LRP1B: variants seen among roughly 807,000 people sequenced by gnomAD.
LRP1B encodes LDL receptor related protein 1B.
A neutral mutation model predicts 556.6 loss-of-function variants in LRP1B; 217 were observed. That is an observed-to-expected ratio of 0.39 (90% CI 0.35 to 0.44). The LOEUF is 0.44. Ranked by LOEUF, LRP1B falls within the 20% of genes least tolerant of loss-of-function variation. The pLI is 1.00. For synonymous variants in LRP1B, 2,047 were observed against 1,865.8 expected (o/e 1.10, Z -2.50); for missense variants, 5,053 against 5,620.8 (o/e 0.90, Z 3.23).
At chr2:140,661,775 G>T (rs1685102881) in intron 41 of LRP1B, among the ~76,000 whole-genome samples, 1 of 152,132 alleles carries the variant, frequency 6.6e-6, no homozygotes, top group Admixed American at 6.5e-5. Context: ...AAAGTTTTAG[G>T]TTTGAAATCA....
At chr2:141,467,420 C>A (rs2105060070) in intron 3 of LRP1B, among the ~76,000 whole-genome samples, 1 of 152,122 alleles carries the variant, frequency 6.6e-6, no homozygotes, top group Non-Finnish European at 1.5e-5. Flanking sequence ...TATTATGATA[C>A]AAAATGCAAG....
intron 43 of LRP1B, among the ~76,000 whole-genome samples, chr2:140,592,725 G>C (rs1236197273): frequency 6.6e-6 from 1 of 152,106 alleles, no homozygotes; most frequent in Non-Finnish European, 1.5e-5. Flanking sequence ...TTTATTTATG[G>C]AATAAAACAA....
chr2:140,395,918 T>C (rs1333009190), intron 66 of LRP1B, among the ~76,000 whole-genome samples: 1 of 151,668 alleles, frequency 6.6e-6, no homozygotes, highest in East Asian at 1.9e-4. Flanking sequence ...GTTGTAACTT[T>C]ATGGTTATGA....
At chr2:141,314,818 A>ATATATG (rs1686942474) in intron 3 of LRP1B, among the ~76,000 whole-genome samples, 1 of 133,960 alleles carries the variant, frequency 7.5e-6, no homozygotes, top group Non-Finnish European at 1.6e-5. Context: ...ATTTATATAT[A>ATATATG]TATATATATG....
rs535356565 is a variant in LRP1B, at chr2:140,410,298, T to C, written c.10415-24289A>G. On this transcript the variant is annotated intron_variant, in intron 66 of 90. Transcript: ENST00000389484. Reference sequence around the variant, plus strand: ...GTTACATATCAATAAATGATCACATTAGCCTTTATCTTATCATTTCCTCAT... The same window carrying C: ...GTTACATATCAATAAATGATCACATCAGCCTTTATCTTATCATTTCCTCAT... 1.1e-4 allele frequency among the ~76,000 whole-genome samples: 17 copies of C among 152,232 alleles called. 2 individuals are homozygous for C. In the South Asian group the frequency reaches 3.5e-3, roughly 32 times the overall value.
chr2:140,550,890 G>C (rs1680523689), intron 43 of LRP1B, among the ~76,000 whole-genome samples: 1 of 152,010 alleles, frequency 6.6e-6, no homozygotes, highest in African/African-American at 2.4e-5. Context: ...TTGGAGGTGG[G>C]GCCTTTAGAG....
chr2:140,695,840 T>C, intron 41 of LRP1B, among the ~76,000 whole-genome samples: 1 of 152,198 alleles, frequency 6.6e-6, no homozygotes, highest in East Asian at 1.9e-4. Context: ...TATGGCACAC[T>C]GTAAGCACTT....
chr2:140,372,189 T>C (rs914744990), intron 69 of LRP1B, among the ~76,000 whole-genome samples: 1 of 152,068 alleles, frequency 6.6e-6, no homozygotes, highest in Non-Finnish European at 1.5e-5. Flanking sequence ...AAAAGCTTTT[T>C]CCTTGAGTTC....
intron 2 of LRP1B, among the ~76,000 whole-genome samples, chr2:141,566,186 G>A (rs140774811): frequency 6.6e-6 from 1 of 151,028 alleles, no homozygotes; most frequent in Non-Finnish European, 1.5e-5. Flanking sequence ...AACTAGCAAG[G>A]TGATCCCTCC....
At chr2:140,496,590 T>C (rs1688952431) in intron 55 of LRP1B, among the ~76,000 whole-genome samples, 1 of 152,144 alleles carries the variant, frequency 6.6e-6, no homozygotes, top group Non-Finnish European at 1.5e-5. Flanking sequence ...GTATGTCAAC[T>C]CATAGGCTAC....
chr2:141,391,355 C>T (rs571710315), intron 3 of LRP1B, among the ~76,000 whole-genome samples: 4 of 152,024 alleles, frequency 2.6e-5, no homozygotes, highest in African/African-American at 7.2e-5. Flanking sequence ...AATACGTAAC[C>T]GGAGATTTAA....
chr2:140,717,319 A>G (rs970011320), intron 35 of LRP1B, among the ~76,000 whole-genome samples: 1 of 152,100 alleles, frequency 6.6e-6, no homozygotes, highest in African/African-American at 2.4e-5. Flanking sequence ...TGTTTTAAGC[A>G]TAAGGCCACT....
At chr2:141,026,165 A>G (rs1040085774) in intron 11 of LRP1B, among the ~76,000 whole-genome samples, 7 of 152,134 alleles carry the variant, frequency 4.6e-5, no homozygotes, top group Admixed American at 2.6e-4. Flanking sequence ...GAAGTTTATA[A>G]TTTATAAAAG....
intron 66 of LRP1B, among the ~76,000 whole-genome samples, chr2:140,393,744 C>T (rs67685801): frequency 0.07 from 10,593 of 152,162 alleles, 419 homozygotes; most frequent in Middle Eastern, 0.14. Context: ...ATCATGGCAG[C>T]TCCTTTTTCC....
In LRP1B at chr2:140,454,307, C is replaced by G. The variant is rs145216937; in HGVS notation, c.9963+2148G>C. Reference sequence around the variant, plus strand: ...GGGATTACAGGTCCTTGCCACCATGCCCAGCTAATTTTTAATATTTTTTAG... The same window carrying G: ...GGGATTACAGGTCCTTGCCACCATGGCCAGCTAATTTTTAATATTTTTTAG... On this transcript the variant is annotated intron_variant, in intron 62 of 90. Coordinates refer to ENST00000389484, the MANE Select transcript of LRP1B (RefSeq NM_018557.3). Among the ~76,000 whole-genome samples, 983 of 152,148 alleles carry G rather than the reference C, an allele frequency of 6.5e-3. 7 individuals carry two copies. Among genetic ancestry groups the G allele is most frequent in the Non-Finnish European group, 9.6e-3 (653 of 67,998 alleles).
At chr2:141,615,750 G>A (rs1688272644) in intron 2 of LRP1B, among the ~76,000 whole-genome samples, 1 of 152,068 alleles carries the variant, frequency 6.6e-6, no homozygotes, top group Non-Finnish European at 1.5e-5. Flanking sequence ...TTCAGAAAAA[G>A]AAAGAACAGG....
chr2:142,003,654 G>A (rs1702722398), intron 1 of LRP1B, among the ~76,000 whole-genome samples: 1 of 152,196 alleles, frequency 6.6e-6, no homozygotes, highest in Non-Finnish European at 1.5e-5. Context: ...GTAATGAAAT[G>A]CAGGCAGGGT....
intron 73 of LRP1B, among the ~76,000 whole-genome samples, chr2:140,358,458 T>G (rs1225642448): frequency 6.6e-6 from 1 of 151,736 alleles, no homozygotes; most frequent in African/African-American, 2.4e-5. Flanking sequence ...TCTTTTGCAT[T>G]AAAAACTTTT....
chr2:140,511,557 TC>T (rs1343367529), intron 51 of LRP1B, among the ~76,000 whole-genome samples: 1 of 152,094 alleles, frequency 6.6e-6, no homozygotes, highest in East Asian at 1.9e-4. Context: ...CGCCTCGGTC[TC>T]CCAAAGTGCT....
Sources: gnomAD v4.1 joint callset for allele counts (sites outside exome capture counted in the v4.1 genomes callset) on GRCh38, gnomAD v4.1.1 for gene constraint, MANE v1.5 for transcripts, NCBI Gene and HGNC (gene_info 2026-07-23, HGNC 2026-07-21) for gene names.